The following NUP205 variants were observed in gnomAD, a reference collection of about 807,000 sequenced individuals.
NUP205 encodes the protein nuclear pore complex protein Nup205.
NUP205 carries 76 observed loss-of-function variants against 253.8 expected under a neutral mutation model. The observed-to-expected ratio is 0.30, with a 90% CI of 0.25 to 0.36. The LOEUF is 0.36. Ranked by LOEUF, NUP205 falls within the 10% of genes least tolerant of loss-of-function variation. NUP205 has a pLI of 1.00. For missense variants in NUP205, 2,162 were observed against 2,425.5 expected, an observed-to-expected ratio of 0.89 and a Z score of 2.28; for synonymous variants, 832 against 850.1, an observed-to-expected ratio of 0.98 and a Z score of 0.37.
At chr7:135,612,143 CAG>C (rs1225892882) in intron 22 of NUP205, among the ~76,000 whole-genome samples, 4 of 151,804 alleles carry the variant, frequency 2.6e-5, no homozygotes, top group East Asian at 1.9e-4. Context: ...GAAAAAAAAA[CAG>C]AATATATTTC....
chr7:135,585,849 T>G (rs1268475183), intron 8 of NUP205, among the ~76,000 whole-genome samples: 1 of 152,158 alleles, frequency 6.6e-6, no homozygotes, highest in Non-Finnish European at 1.5e-5. Flanking sequence ...GCCCGATTGT[T>G]TAGATTCTGA....
At chr7:135,577,280 C>G in intron 5 of NUP205, 152 bp downstream of exon 5, 1 of 703,364 alleles carries the variant, frequency 1.4e-6, no homozygotes, top group Non-Finnish European at 2.3e-6. Flanking sequence ...TATTATTTTT[C>G]ATTGACACAA....
At chr7:135,579,251 A>G (rs189914762) in intron 7 of NUP205, among the ~76,000 whole-genome samples, 3,785 of 151,012 alleles carry the variant, frequency 0.025, 80 homozygotes, top group South Asian at 0.077. Context: ...CTGGAGTGCA[A>G]TGGCACAGTC....
intron 34 of NUP205, among the ~76,000 whole-genome samples, chr7:135,628,847 A>G (rs978634026): frequency 1.3e-5 from 2 of 152,218 alleles, no homozygotes; most frequent in Non-Finnish European, 2.9e-5. Context: ...CTGCTGTTCT[A>G]AAGTGGCACC....
intron 36 of NUP205, among the ~76,000 whole-genome samples, chr7:135,636,200 G>C (rs1254774683): frequency 6.6e-6 from 1 of 152,096 alleles, no homozygotes; most frequent in East Asian, 1.9e-4. Flanking sequence ...CTCTTGGCCT[G>C]GTTTGGTCTG....
chr7:135,646,443 C>T (rs1443441313), intron 42 of NUP205, among the ~76,000 whole-genome samples: 2 of 152,046 alleles, frequency 1.3e-5, no homozygotes, highest in East Asian at 3.9e-4. Context: ...CCTGTAGTCA[C>T]AGCTACCTGG....
At chr7:135,640,520 G>T (rs748516758) in intron 38 of NUP205, among the ~76,000 whole-genome samples, 17 of 152,030 alleles carry the variant, frequency 1.1e-4, no homozygotes, top group Non-Finnish European at 2.1e-4. Context: ...CTTCCACTCC[G>T]GCCCAGGCAT....
chr7:135,634,283 A>G (rs150478422), intron 35 of NUP205, among the ~76,000 whole-genome samples: 1 of 152,288 alleles, frequency 6.6e-6, no homozygotes, highest in Non-Finnish European at 1.5e-5. Flanking sequence ...TATACATAGA[A>G]TAGTTAGATG....
chr7:135,610,813 T>C (rs1356843504), intron 22 of NUP205, among the ~76,000 whole-genome samples: 2 of 152,190 alleles, frequency 1.3e-5, no homozygotes, highest in African/African-American at 2.4e-5. Context: ...TACTGATACC[T>C]TCCTTGTCCT....
intron 18 of NUP205, among the ~76,000 whole-genome samples, chr7:135,603,947 A>G (rs1328581472): frequency 1.3e-5 from 2 of 152,338 alleles, no homozygotes; most frequent in East Asian, 1.9e-4. Context: ...CGTGGCATAT[A>G]GAAGCATCAC....
At position 135,602,982 on chromosome 7, in the gene NUP205, T is replaced by C. The variant is rs1379919800; in HGVS notation, c.2690T>C (p.Val897Ala). 5 of 1,608,452 alleles carry C rather than the reference T, an allele frequency of 3.1e-6. No individual in the cohort carries two copies. Among genetic ancestry groups the C allele is most frequent in the Non-Finnish European group, 4.3e-6 (5 of 1,176,206 alleles). Residue 897 changes from valine to alanine, a missense_variant, in exon 18 of 43, where the codon GTA (valine) becomes GCA (alanine). Val to Ala is a moderately conservative substitution (Grantham distance 64). Transcript: ENST00000285968. The stretch of plus-strand genomic sequence containing the variant: ...AGAACTAAGAAGGCAGATAATGTGG[T>C]AAACATTGCCAGGTAAGTTACCTTT... ...NPRTKKADNVVNIARYLYHGN... is the reference protein window; with the variant it reads ...NPRTKKADNVANIARYLYHGN...
At chr7:135,639,942 G>A (rs1383604256) in intron 38 of NUP205, among the ~76,000 whole-genome samples, 4 of 152,166 alleles carry the variant, frequency 2.6e-5, no homozygotes, top group Non-Finnish European at 5.9e-5. Context: ...ATCATTCTCA[G>A]CAAACTAACA....
chr7:135,602,774 A>T, intron 17 of NUP205, 31 bp from the exon 18 acceptor site: 1 of 1,540,546 alleles, frequency 6.5e-7, no homozygotes, highest in African/African-American at 1.4e-5. Context: ...AGATAAATTT[A>T]GAACTTTCTA....
chr7:135,623,042 C>A, intron 31 of NUP205, 117 bp downstream of exon 31: 2 of 989,836 alleles, frequency 2.0e-6, no homozygotes, highest in Non-Finnish European at 1.5e-6. Context: ...CTTTCGAAGG[C>A]CAAGGTGGGT....
Position 135,617,644 on chromosome 7 carries a change from G to A in NUP205, c.3733G>A (p.Gly1245Ser), listed in dbSNP as rs1408569383. The change falls in exon 27 of 43, where the codon GGT (glycine) becomes AGT (serine). Residue 1245 changes from glycine (G) to serine (S), a missense_variant. By Grantham distance (56) the Gly-to-Ser change is moderately conservative. Around this residue, in one of 5 missense-constraint regions of NUP205, gnomAD observed 1,144 missense variants for 1,280.9 expected, o/e 0.89. Transcript: ENST00000285968. ...TGTAGCTGAAGTAAATGCCCTTCAG[G>A]GTATGGCAGCCATAGGACAGAGACC... is the stretch of plus-strand genomic sequence containing the variant. ...VLVAEVNALQ[G>S]MAAIGQRPLL... 6.2e-7 allele frequency: 1 copy of A among 1,612,600 alleles called. No individual in the cohort carries two copies. The highest frequency in any genetic ancestry group is 8.5e-7 in the Non-Finnish European group (1 of 1,179,074).
rs750839294 is a variant in NUP205, at chr7:135,645,491, A to G, written c.5707A>G (p.Ile1903Val). 1 of 1,613,960 alleles carries G rather than the reference A, an allele frequency of 6.2e-7. No homozygotes were observed. Among genetic ancestry groups the G allele is most frequent in the Non-Finnish European group, 8.5e-7 (1 of 1,179,898 alleles). ...CSFIIETCLF[I>V]LWRHLEYYLL... ...AGTTATCATAGAGACCTGCCTATTT[A>G]TTCTTTGGCGCCATCTGGAGTACTA... is the stretch of plus-strand genomic sequence containing the variant. The change falls in exon 41 of 43, where the codon ATT becomes GTT. Residue 1903 changes from isoleucine (I) to valine (V), a missense_variant. By Grantham distance (29) the Ile-to-Val change is conservative. This residue lies in a region of NUP205 where 1,144 missense variants were observed against 1,280.9 expected (regional missense o/e 0.89). Transcript: ENST00000285968.
At chr7:135,638,522 G>A (rs775893137) in intron 37 of NUP205, 35 bp from the exon 38 acceptor site, 2 of 1,604,436 alleles carry the variant, frequency 1.2e-6, no homozygotes, top group South Asian at 2.2e-5. Context: ...ACATTTCAGG[G>A]TCTTAACATT....
chr7:135,604,340 A>G lies in NUP205; in HGVS notation c.2703A>G (p.Arg901=). The G allele has an allele frequency of 6.3e-7, 1 of 1,595,782 alleles. No homozygotes were observed. Among genetic ancestry groups the G allele is most frequent in the Non-Finnish European group, 8.5e-7 (1 of 1,175,216 alleles). The part of the protein sequence containing the change: ...KKADNVVNIA[R]YLYHGNTNPE... ...CTCAAATGTTTTCTTTTCTTTAAAG[A>G]TACCTATATCATGGCAATACTAATC... The change falls in exon 19 of 43, where the codon AGA becomes AGG. Residue 901 remains arginine (R), a splice_region_variant and synonymous_variant. Coordinates refer to ENST00000285968, the MANE Select transcript of NUP205 (RefSeq NM_015135.3).
At chr7:135,638,809 A>G (rs914689099) in intron 38 of NUP205, 126 bp downstream of exon 38, 2 of 988,948 alleles carry the variant, frequency 2.0e-6, no homozygotes, top group Admixed American at 2.1e-5. Flanking sequence ...AACATTTTAA[A>G]TAAGTTTTAA....
Sources: allele counts gnomAD v4.1 joint callset (sites outside exome capture counted in the v4.1 genomes callset), GRCh38; gene constraint gnomAD v4.1.1; regional missense constraint gnomAD v4.1.1; transcripts MANE v1.5; gene names NCBI Gene and HGNC (gene_info 2026-07-23, HGNC 2026-07-21).